The following ANAPC7 variants were observed in gnomAD, a reference collection of about 807,000 sequenced individuals.
ANAPC7 encodes the protein anaphase-promoting complex subunit 7.
ANAPC7 carries 25 observed loss-of-function variants against 63.3 expected under a neutral mutation model. The ratio of observed to expected loss-of-function variants is 0.39; its 90% CI spans 0.29 to 0.55. The LOEUF is 0.55. Ranked by LOEUF, ANAPC7 falls within the 20% of genes least tolerant of loss-of-function variation. The probability of loss-of-function intolerance (pLI) is 0.57; values close to 1 mark genes in which losing one functional copy is unlikely to be tolerated. For missense variants in ANAPC7, 516 were observed against 691.7 expected (o/e 0.75, Z 2.85); for synonymous variants, 241 against 251.7 (o/e 0.96, Z 0.40).
intron 3 of ANAPC7, among the ~76,000 whole-genome samples, chr12:110,393,169 T>C (rs1883250526): frequency 6.6e-6 from 1 of 152,138 alleles, no homozygotes; most frequent in Non-Finnish European, 1.5e-5. Flanking sequence ...CACAAAGACA[T>C]ATTCTACACA....
At chr12:110,386,178 CA>C (rs1882432909) in intron 6 of ANAPC7, 148 bp downstream of exon 6, 1 of 1,164,826 alleles carries the variant, frequency 8.6e-7, no homozygotes, top group African/African-American at 1.6e-5. Flanking sequence ...AGACATGTGT[CA>C]TGACCTAAAA....
At chr12:110,392,378 C>G (rs1424470706) in intron 3 of ANAPC7, among the ~76,000 whole-genome samples, 2 of 146,958 alleles carry the variant, frequency 1.4e-5, no homozygotes, top group Non-Finnish European at 3.0e-5. Flanking sequence ...GGTGCTTAAA[C>G]ATGTTCTCAT....
chr12:110,377,677 C>A, intron 8 of ANAPC7, 60 bp from the exon 9 acceptor site: 1 of 1,605,702 alleles, frequency 6.2e-7, no homozygotes, highest in East Asian at 2.2e-5. Flanking sequence ...CCCATGCTTC[C>A]ACTCTGACAG....
intron 3 of ANAPC7, among the ~76,000 whole-genome samples, chr12:110,389,022 C>G (rs1461776639): frequency 1.4e-5 from 2 of 146,978 alleles, no homozygotes; most frequent in African/African-American, 5.1e-5. Context: ...GCGGAGCTTG[C>G]AGTGAACCGA....
chr12:110,400,527 C>T (rs913659255), intron 1 of ANAPC7, among the ~76,000 whole-genome samples: 3 of 152,176 alleles, frequency 2.0e-5, no homozygotes, highest in Non-Finnish European at 4.4e-5. Flanking sequence ...GGCTAAACTT[C>T]GTCTAGCCAG....
At chr12:110,395,073 G>A in intron 3 of ANAPC7, 28 bp downstream of exon 3, 1 of 1,607,482 alleles carries the variant, frequency 6.2e-7, no homozygotes. Flanking sequence ...GAGAGCTGAG[G>A]AGAAAAACAC....
intron 6 of ANAPC7, among the ~76,000 whole-genome samples, chr12:110,383,792 C>T (rs1882165504): frequency 1.5e-5 from 2 of 136,580 alleles, no homozygotes; most frequent in Admixed American, 1.7e-4. Context: ...AGGAGAATCG[C>T]TTGAATCAGG....
At chr12:110,380,604 T>G (rs1881731526) in intron 8 of ANAPC7, among the ~76,000 whole-genome samples, 1 of 142,452 alleles carries the variant, frequency 7.0e-6, no homozygotes. Context: ...TGAGCCAAGA[T>G]CATGCCACTG....
intron 1 of ANAPC7, among the ~76,000 whole-genome samples, chr12:110,399,209 C>T (rs1342592679): frequency 3.3e-5 from 5 of 151,700 alleles, no homozygotes; most frequent in East Asian, 2.0e-4. Context: ...TTGGTAGAGA[C>T]GGGGTTTCGC....
At chr12:110,403,376 T>G in intron 1 of ANAPC7, 151 bp downstream of exon 1, 1 of 827,928 alleles carries the variant, frequency 1.2e-6, no homozygotes, top group Non-Finnish European at 1.9e-6. Flanking sequence ...CTCCGAAGTC[T>G]GCTCCGCTCC....
chr12:110,391,744 A>G (rs1201758915), intron 3 of ANAPC7, among the ~76,000 whole-genome samples: 4 of 152,206 alleles, frequency 2.6e-5, no homozygotes, highest in Admixed American at 2.6e-4. Context: ...ATTATGAAGG[A>G]GATTATGGTA....
chr12:110,384,676 AAAAAAAAAAC>A (rs1175150542), intron 6 of ANAPC7, among the ~76,000 whole-genome samples: 12 of 114,326 alleles, frequency 1.0e-4, no homozygotes, highest in East Asian at 4.0e-4. Flanking sequence ...TCTGTCTCAC[AAAAAAAAAAC>A]AAAAAAAAAC....
At chr12:110,376,272 C>A in intron 9 of ANAPC7, 56 bp from the exon 10 acceptor site, 1 of 1,589,502 alleles carries the variant, frequency 6.3e-7, no homozygotes, top group Non-Finnish European at 8.6e-7. Flanking sequence ...CCACAACTAC[C>A]ATTCTGACCA....
At position 110,380,209 on chromosome 12, in the gene ANAPC7, G is replaced by A. The variant is rs376089150; in HGVS notation, c.1132+1543C>T. Among the ~76,000 whole-genome samples, 46 of 152,152 alleles carry A rather than the reference G, an allele frequency of 3.0e-4. 1 individual carries two copies. The East Asian group carries it at 3.3e-3, about 11-fold the overall frequency. On this transcript the variant is annotated intron_variant, in intron 8 of 10. Transcript: ENST00000455511. ...CTACTAAAAATACAAAAATGAGCTG[G>A]GTGTGGTGGTGTATGCCTGTAATCC...
At chr12:110,391,309 G>A (rs1462028845) in intron 3 of ANAPC7, among the ~76,000 whole-genome samples, 2 of 152,144 alleles carry the variant, frequency 1.3e-5, no homozygotes, top group African/African-American at 4.8e-5. Flanking sequence ...AACTGAGTAA[G>A]AAATTCTATG....
chr12:110,379,807 G>C (rs747313898), intron 8 of ANAPC7, among the ~76,000 whole-genome samples: 8 of 152,180 alleles, frequency 5.3e-5, no homozygotes, highest in Non-Finnish European at 8.8e-5. Context: ...ACTGCATCTT[G>C]TAAGATCTAT....
intron 4 of ANAPC7, 45 bp downstream of exon 4, chr12:110,388,467 T>TC: frequency 6.8e-7 from 1 of 1,462,198 alleles, no homozygotes; most frequent in African/African-American, 1.4e-5. Context: ...AACTACTATC[T>TC]TTGACAGTAA....
intron 1 of ANAPC7, among the ~76,000 whole-genome samples, chr12:110,398,622 A>G (rs2062177285): frequency 6.6e-6 from 1 of 152,180 alleles, no homozygotes; most frequent in Non-Finnish European, 1.5e-5. Context: ...TCCTTCCCAA[A>G]TAAGAGGAAG....
intron 8 of ANAPC7, chr12:110,377,898 C>T (rs759801152): frequency 2.5e-5 from 26 of 1,039,428 alleles, no homozygotes; most frequent in Non-Finnish European, 3.3e-5. Flanking sequence ...CATGTGAGCA[C>T]CCCATCTGAC....
Sources: allele counts gnomAD v4.1 joint callset (sites outside exome capture counted in the v4.1 genomes callset), GRCh38; gene constraint gnomAD v4.1.1; transcripts MANE v1.5; gene names NCBI Gene and HGNC (gene_info 2026-07-23, HGNC 2026-07-21).